The following UPF1 variants were observed in gnomAD, a reference collection of about 807,000 sequenced individuals.
UPF1 encodes the protein regulator of nonsense transcripts 1.
In UPF1, 9 loss-of-function variants were observed where a neutral mutation model predicts 129.2. The ratio of observed to expected loss-of-function variants is 0.07; its 90% CI spans 0.04 to 0.12. The LOEUF (loss-of-function observed/expected upper bound fraction) is 0.12, where lower values mean the gene tolerates loss of function less well. Ranked by LOEUF, UPF1 falls within the 10% of genes least tolerant of loss-of-function variation. The pLI, the probability that UPF1 is intolerant of heterozygous loss-of-function variation, is 1.00. For missense variants in UPF1, 788 were observed against 1,525.3 expected (o/e 0.52, Z 8.05); for synonymous variants, 649 against 644.9 (o/e 1.01, Z -0.10).
Position 18,863,619 on chromosome 19 carries a change from G to A in UPF1, c.2775+7G>A, listed in dbSNP as rs749414171. 6 of 1,611,286 alleles carry A rather than the reference G, an allele frequency of 3.7e-6. No homozygotes were observed. The Admixed American group carries it at 6.7e-5, about 18-fold the overall frequency. ...GGTCAACACTATCAACCCGGTGAGC[G>A]CCTGCACAGGACAGCAGGGCAGCAC... is the stretch of plus-strand genomic sequence containing the variant. On this transcript the variant is annotated splice_region_variant and intron_variant, in intron 19 of 23. Coordinates refer to ENST00000262803, the MANE Select transcript of UPF1 (RefSeq NM_002911.4).
At chr19:18,843,518 G>GTT (rs35934501) in intron 1 of UPF1, among the ~76,000 whole-genome samples, 46,654 of 123,896 alleles carry the variant, frequency 0.38, 9,767 homozygotes, top group South Asian at 0.56. Context: ...GACTTTCTTT[G>GTT]TTTTTTTTTT....
At chr19:18,842,773 G>A (rs1261581304) in intron 1 of UPF1, among the ~76,000 whole-genome samples, 2 of 151,978 alleles carry the variant, frequency 1.3e-5, no homozygotes, top group Non-Finnish European at 2.9e-5. Context: ...GCCAAGGTGG[G>A]TGGATCACCT....
At chr19:18,861,908 C>T (rs1008663127) in intron 17 of UPF1, 102 bp from the exon 18 acceptor site, 56 of 1,484,610 alleles carry the variant, frequency 3.8e-5, no homozygotes, top group Non-Finnish European at 4.8e-5. Flanking sequence ...GCCCCAAGCT[C>T]CCGGGTGGGA....
At chr19:18,860,650 G>T (rs1401664294) in intron 16 of UPF1, among the ~76,000 whole-genome samples, 176 bp from the exon 17 acceptor site, 1 of 152,212 alleles carries the variant, frequency 6.6e-6, no homozygotes, top group African/African-American at 2.4e-5. Context: ...CCACATGGCA[G>T]CCGTTTCTGC....
chr19:18,838,347 A>C (rs1468413197), intron 1 of UPF1, among the ~76,000 whole-genome samples: 1 of 151,356 alleles, frequency 6.6e-6, no homozygotes, highest in Non-Finnish European at 1.5e-5. Flanking sequence ...ACCTTGTCTT[A>C]ATAAAAAGAA....
In UPF1 at chr19:18,855,048, G is replaced by A. The variant is rs1370635739; in HGVS notation, c.1425+10G>A. ...CCTCAACCACTCCCAGGTGCGCGCC[G>A]TCCTCAGCGCGCGGGGCCTCGCCCA... On this transcript the variant is annotated intron_variant, in intron 10 of 23. Coordinates refer to ENST00000262803, the MANE Select transcript of UPF1 (RefSeq NM_002911.4). 8.7e-6 allele frequency: 14 copies of A among 1,613,310 alleles called. No individual in the cohort carries two copies. The highest frequency in any genetic ancestry group is 2.7e-5 in the African/African-American group (2 of 74,948).
intron 1 of UPF1, among the ~76,000 whole-genome samples, chr19:18,835,021 G>C (rs1486085227): frequency 6.6e-6 from 1 of 152,084 alleles, no homozygotes; most frequent in Non-Finnish European, 1.5e-5. Context: ...AGTATATTCA[G>C]AGTTGTGCAG....
chr19:18,847,725 C>T lies in UPF1; in HGVS notation c.372-19C>T, dbSNP rs762227342. The T allele has an allele frequency of 6.2e-6, 10 of 1,609,570 alleles. No individual in the cohort carries two copies. Among genetic ancestry groups the T allele is most frequent in the Admixed American group, 5.0e-5 (3 of 59,958 alleles). Reference sequence around the variant, plus strand: ...AGAGCAAGCTTCCAGCTGTAACTGTCGCTGTTTTGATTTTTTAGTTACTGT... The same window carrying T: ...AGAGCAAGCTTCCAGCTGTAACTGTTGCTGTTTTGATTTTTTAGTTACTGT... On this transcript the variant is annotated intron_variant, in intron 2 of 23. Transcript: ENST00000262803.
chr19:18,838,812 G>A lies in UPF1; in HGVS notation c.231+6372G>A, dbSNP rs886386892. Among the ~76,000 whole-genome samples, 11 of 152,302 alleles carry A rather than the reference G, an allele frequency of 7.2e-5. No individual in the cohort carries two copies. The South Asian group carries it at 2.3e-3, about 32-fold the overall frequency. Reference sequence around the variant, plus strand: ...ACCCCTTAGTAGACTTACTGAGTGTGTTTTCAAATTGTTAGGAGTTTCCCA... The same window carrying A: ...ACCCCTTAGTAGACTTACTGAGTGTATTTTCAAATTGTTAGGAGTTTCCCA... On this transcript the variant is annotated intron_variant, in intron 1 of 23. Coordinates refer to ENST00000262803, the MANE Select transcript of UPF1 (RefSeq NM_002911.4).
intron 8 of UPF1, 90 bp from the exon 9 acceptor site, chr19:18,854,511 A>T (rs1479967108): frequency 2.8e-6 from 3 of 1,053,328 alleles, no homozygotes; most frequent in Non-Finnish European, 4.2e-6. Flanking sequence ...ACTAAATTTT[A>T]AAAACGCTGT....
rs764399396 is a variant in UPF1 at position 18,856,006 on chromosome 19, G to A, written c.1626G>A (p.Val542=). 8 of 1,613,996 alleles carry A rather than the reference G, an allele frequency of 5.0e-6. No individual in the cohort carries two copies. Among genetic ancestry groups the A allele is most frequent in the South Asian group, 2.2e-5 (2 of 91,088 alleles). The change falls in exon 12 of 24, where the codon GTG becomes GTA. Residue 542 remains valine (V), a synonymous_variant. Transcript: ENST00000262803. Reference sequence around the variant, plus strand: ...TCCACCAGACGGGGCTAAAGGTCGTGCGCCTCTGCGCCAAGAGCCGTGAGG... The same window carrying A: ...TCCACCAGACGGGGCTAAAGGTCGTACGCCTCTGCGCCAAGAGCCGTGAGG... ...EKIHQTGLKV[V]RLCAKSREAI... is the part of the protein sequence containing the mutation.
intron 5 of UPF1, 28 bp from the exon 6 acceptor site, chr19:18,852,107 A>C (rs371500182): frequency 1.4e-5 from 22 of 1,576,136 alleles, no homozygotes; most frequent in Non-Finnish European, 1.7e-5. Flanking sequence ...AAACAGGACG[A>C]GTGTGGCGCG....
At chr19:18,856,847 G>A in intron 13 of UPF1, 30 bp from the exon 14 acceptor site, 1 of 1,596,402 alleles carries the variant, frequency 6.3e-7, no homozygotes, top group East Asian at 2.2e-5. Flanking sequence ...TACAGTGCAG[G>A]TGCCCTGATG....
At chr19:18,838,978 AC>A (rs2055512233) in intron 1 of UPF1, among the ~76,000 whole-genome samples, 1 of 152,096 alleles carries the variant, frequency 6.6e-6, no homozygotes, top group Non-Finnish European at 1.5e-5. Flanking sequence ...ACCAGGACTA[AC>A]TAAAAAAAGA....
intron 12 of UPF1, 40 bp from the exon 13 acceptor site, chr19:18,856,146 A>G: frequency 8.1e-6 from 13 of 1,607,258 alleles, no homozygotes; most frequent in Non-Finnish European, 1.1e-5. Flanking sequence ...GGTGACATGT[A>G]CAGAACTCAG....
chr19:18,834,738 ATC>A (rs1455005000), intron 1 of UPF1, among the ~76,000 whole-genome samples: 1 of 152,186 alleles, frequency 6.6e-6, no homozygotes, highest in Non-Finnish European at 1.5e-5. Context: ...GAAGAAAGTT[ATC>A]TCTTGTGTGA....
At chr19:18,854,733 C>T in intron 9 of UPF1, 24 bp downstream of exon 9, 1 of 1,610,070 alleles carries the variant, frequency 6.2e-7, no homozygotes, top group South Asian at 1.1e-5. Flanking sequence ...CATCACTGCC[C>T]CCTGTTCCCT....
At chr19:18,844,410 G>A (rs1456459609) in intron 1 of UPF1, among the ~76,000 whole-genome samples, 1 of 151,504 alleles carries the variant, frequency 6.6e-6, no homozygotes, top group South Asian at 2.1e-4. Flanking sequence ...TGCAACCTGC[G>A]CCTCCTGGGT....
rs779178179 is a variant in UPF1 at position 18,865,698 on chromosome 19, G to C, written c.3157G>C (p.Ala1053Pro). The C allele has an allele frequency of 3.1e-6, 5 of 1,613,744 alleles. No homozygotes were observed. Among genetic ancestry groups the C allele is most frequent in the Middle Eastern group, 1.6e-4 (1 of 6,062 alleles). ...GGCGTCACAGCCCTTCTCTCAGGGCGCCCTGACGCAGGGCTACATCTCCAT... is the reference window on the plus strand; with the variant it reads ...GGCGTCACAGCCCTTCTCTCAGGGCCCCCTGACGCAGGGCTACATCTCCAT... The part of the protein sequence containing the change: ...DVASQPFSQG[A>P]LTQGYISMSQ... The change falls in exon 22 of 24, where the codon GCC (alanine) becomes CCC (proline). Residue 1053 changes from alanine to proline, a missense_variant. By Grantham distance (27) the Ala-to-Pro change is conservative. Transcript: ENST00000262803. This position sits in a 1 kb window ranked among gnomAD's most constrained non-coding sequence, Gnocchi z 6.1.
Sources: gnomAD v4.1 joint callset for allele counts (sites outside exome capture counted in the v4.1 genomes callset) on GRCh38, gnomAD v4.1.1 for gene constraint, Gnocchi (gnomAD v3.1) non-coding constraint, MANE v1.5 for transcripts, NCBI Gene and HGNC (gene_info 2026-07-23, HGNC 2026-07-21) for gene names.